Variants in KDM4C observed in about 807,000 individuals in gnomAD.
The protein encoded by KDM4C is lysine-specific demethylase 4C.
KDM4C carries 81 observed loss-of-function variants against 129.3 expected under a neutral mutation model. The ratio of observed to expected loss-of-function variants is 0.63; its 90% confidence interval spans 0.52 to 0.75. KDM4C has a LOEUF of 0.75. Ranked by LOEUF, KDM4C falls within the 30% of genes least tolerant of loss-of-function variation. The probability of loss-of-function intolerance (pLI) is 0.00; values close to 1 mark genes in which losing one functional copy is unlikely to be tolerated. For synonymous variants in KDM4C, 573 were observed against 456.1 expected, an observed-to-expected ratio of 1.26 and a Z score of -3.26; for missense variants, 1,457 against 1,304.0, an observed-to-expected ratio of 1.12 and a Z score of -1.81.
chr9:6,828,232 C>T (rs187060505), intron 4 of KDM4C, among the ~76,000 whole-genome samples: 5 of 152,020 alleles, frequency 3.3e-5, no homozygotes, highest in Admixed American at 3.3e-4. Context: ...ACTGCAAGCT[C>T]CGCCTCCCAG....
chr9:6,836,070 T>G (rs1413277579), intron 4 of KDM4C, among the ~76,000 whole-genome samples: 1 of 152,148 alleles, frequency 6.6e-6, no homozygotes, highest in Non-Finnish European at 1.5e-5. Context: ...TTGAGATGTA[T>G]GAAGGCTTTT....
At position 6,970,548 on chromosome 9, in the gene KDM4C, A is replaced by C. The variant is rs1406995254; in HGVS notation, c.922-10377A>C. ...TCTTTCCAATATACATTTCATAGAG[A>C]GGGGAAATTAGAGCTTGTGGTGGCA... On this transcript the variant is annotated intron_variant, in intron 8 of 21. Transcript: ENST00000381309. 2.0e-5 allele frequency among the ~76,000 whole-genome samples: 3 copies of C among 152,122 alleles called. No homozygotes were observed. In the East Asian group the frequency reaches 5.8e-4, roughly 29 times the overall value.
chr9:6,925,034 C>G (rs1341800330), intron 8 of KDM4C: 5 of 985,040 alleles, frequency 5.1e-6, no homozygotes, highest in African/African-American at 1.7e-5. Flanking sequence ...CTGAAATGAA[C>G]CAGGTGTATA....
At chr9:7,072,499 C>G (rs534110203) in intron 17 of KDM4C, among the ~76,000 whole-genome samples, 13 of 152,150 alleles carry the variant, frequency 8.5e-5, no homozygotes, top group Non-Finnish European at 1.5e-4. Flanking sequence ...ATTCATTACC[C>G]TAAGTGAAAG....
chr9:6,920,665 A>G (rs1821345936), intron 8 of KDM4C, among the ~76,000 whole-genome samples: 1 of 152,228 alleles, frequency 6.6e-6, no homozygotes, highest in Admixed American at 6.5e-5. Flanking sequence ...GGAAATTACC[A>G]GGGAGAGTGA....
chr9:7,170,263 C>T, intron 21 of KDM4C: 4 of 1,111,460 alleles, frequency 3.6e-6, no homozygotes, highest in East Asian at 7.2e-5. Flanking sequence ...AGGAGTAGAT[C>T]AAAGGGGACT....
intron 8 of KDM4C, among the ~76,000 whole-genome samples, chr9:6,976,931 T>A (rs181788928): frequency 4.8e-4 from 73 of 152,272 alleles, no homozygotes; most frequent in Middle Eastern, 3.4e-3. Context: ...TCTAGAGATA[T>A]GATATCTACT....
chr9:6,787,180 T>A (rs1008284927), intron 1 of KDM4C, among the ~76,000 whole-genome samples: 1 of 152,252 alleles, frequency 6.6e-6, no homozygotes, highest in Non-Finnish European at 1.5e-5. Flanking sequence ...TAGCCACTAA[T>A]TTGCTGCATG....
At chr9:6,853,659 G>C (rs1316176873) in intron 5 of KDM4C, among the ~76,000 whole-genome samples, 1 of 152,198 alleles carries the variant, frequency 6.6e-6, no homozygotes, top group Non-Finnish European at 1.5e-5. Flanking sequence ...AGACTTCAAA[G>C]CAGCTGATGA....
chr9:6,865,077 C>T (rs113984061), intron 5 of KDM4C, among the ~76,000 whole-genome samples: 21,195 of 145,746 alleles, frequency 0.15, 1,823 homozygotes, highest in South Asian at 0.34. Flanking sequence ...GACGCGATCT[C>T]GGCTCACTGC....
intron 1 of KDM4C, among the ~76,000 whole-genome samples, chr9:6,747,733 C>T (rs999038216): frequency 3.9e-5 from 6 of 152,134 alleles, no homozygotes; most frequent in African/African-American, 1.4e-4. Flanking sequence ...ACCACTGCTC[C>T]AGAAAATCTT....
chr9:7,118,401 G>A (rs977781747), intron 18 of KDM4C, among the ~76,000 whole-genome samples: 1 of 152,170 alleles, frequency 6.6e-6, no homozygotes, highest in Non-Finnish European at 1.5e-5. Flanking sequence ...TCTGGGCAGA[G>A]GATTTTTACC....
In KDM4C at chr9:6,933,873, G is replaced by A. The variant is rs148679535; in HGVS notation, c.921+40641G>A. 8.6e-3 allele frequency among the ~76,000 whole-genome samples: 1,255 copies of A among 145,592 alleles called. 12 individuals carry two copies. Among genetic ancestry groups the A allele is most frequent in the African/African-American group, 0.028 (1,129 of 40,254 alleles). ...TTATTTATTTATTTTTTTTTGAGATGGAGTCTCACTTTGTCACCCAGGCTG... is the reference window on the plus strand; with the variant it reads ...TTATTTATTTATTTTTTTTTGAGATAGAGTCTCACTTTGTCACCCAGGCTG... On this transcript the variant is annotated intron_variant, in intron 8 of 21. Coordinates refer to ENST00000381309, the MANE Select transcript of KDM4C (RefSeq NM_015061.6).
intron 12 of KDM4C, among the ~76,000 whole-genome samples, chr9:6,995,315 A>G (rs1311572986): frequency 6.6e-6 from 1 of 152,100 alleles, no homozygotes; most frequent in Non-Finnish European, 1.5e-5. Context: ...ATGTGTGTAC[A>G]TACACCTGTA....
intron 8 of KDM4C, among the ~76,000 whole-genome samples, chr9:6,939,243 A>C (rs1271471528): frequency 6.6e-6 from 1 of 151,944 alleles, no homozygotes; most frequent in Non-Finnish European, 1.5e-5. Flanking sequence ...TTAGATTCTC[A>C]TAGAGTGTGA....
chr9:6,808,668 A>G (rs971650955), intron 3 of KDM4C, among the ~76,000 whole-genome samples: 3 of 144,436 alleles, frequency 2.1e-5, no homozygotes, highest in African/African-American at 7.8e-5. Flanking sequence ...CCCCTCTGTG[A>G]GAAACACCCA....
chr9:6,808,118 G>T (rs1206854803), intron 3 of KDM4C, among the ~76,000 whole-genome samples: 1 of 29,998 alleles, frequency 3.3e-5, no homozygotes, highest in Non-Finnish European at 6.4e-5. Flanking sequence ...GGGAGGTGAG[G>T]GGCGCCTCTG....
chr9:7,174,974 C>T lies in KDM4C; in HGVS notation c.*245C>T. The T allele has an allele frequency of 2.7e-6, 1 of 372,316 alleles. No homozygotes were observed. Among genetic ancestry groups the T allele is most frequent in the Non-Finnish European group, 4.9e-6 (1 of 202,506 alleles). 23.1% of individuals were successfully genotyped at this position (372,316 alleles called of 1,614,324 possible). A position where few individuals can be genotyped will look rare whatever the true frequency, so the allele number is the denominator to read the frequency against. Reference sequence around the variant, plus strand: ...TGTGAGCAGTTGTCTTCTATGATCCCAAAGAAGTTTTCTAAGTGAAAGGAA... The same window carrying T: ...TGTGAGCAGTTGTCTTCTATGATCCTAAAGAAGTTTTCTAAGTGAAAGGAA... On this transcript the variant is annotated 3_prime_UTR_variant, in exon 22 of 22. Coordinates refer to ENST00000381309, the MANE Select transcript of KDM4C (RefSeq NM_015061.6).
intron 20 of KDM4C, among the ~76,000 whole-genome samples, chr9:7,169,349 TG>T (rs1444563332): frequency 2.0e-5 from 3 of 152,212 alleles, no homozygotes; most frequent in African/African-American, 7.2e-5. Context: ...TTTATTTTTT[TG>T]TTTTGAGACG....
Sources: allele counts gnomAD v4.1 joint callset (sites outside exome capture counted in the v4.1 genomes callset), GRCh38; gene constraint gnomAD v4.1.1; transcripts MANE v1.5; gene names NCBI Gene and HGNC (gene_info 2026-07-23, HGNC 2026-07-21).